The following RNF216 variants were observed in gnomAD, a reference collection of about 807,000 sequenced individuals.
RNF216 encodes the protein ring finger protein 216.
Under a neutral mutation model 110.8 loss-of-function variants are expected in RNF216, and 72 were observed. The observed-to-expected ratio is 0.65, with a 90% confidence interval of 0.54 to 0.79. The LOEUF is 0.79. Ranked by LOEUF, RNF216 falls within the 30% of genes least tolerant of loss-of-function variation. RNF216 has a pLI of 0.00. For missense variants in RNF216, 1,342 were observed against 1,141.2 expected, an observed-to-expected ratio of 1.18 and a Z score of -2.54; for synonymous variants, 495 against 407.5, an observed-to-expected ratio of 1.21 and a Z score of -2.59.
intron 8 of RNF216, among the ~76,000 whole-genome samples, 177 bp from the exon 9 acceptor site, chr7:5,721,349 A>C (rs771799564): frequency 6.6e-6 from 1 of 152,038 alleles, no homozygotes; most frequent in Non-Finnish European, 1.5e-5. Context: ...TAGCCAACCT[A>C]CCATCCATTT....
At position 5,705,589 on chromosome 7, in the gene RNF216, A is replaced by G. The variant is rs147242642; in HGVS notation, c.2061+6172T>C. Among the ~76,000 whole-genome samples, 76 of 152,208 alleles carry G rather than the reference A, an allele frequency of 5.0e-4. 2 individuals are homozygous for G. The East Asian group carries it at 0.01, about 20-fold the overall frequency. Reference sequence around the variant, plus strand: ...GCTGCACATCCCTCTTGGCAGAGGGAAAAAATGAACCATATGCCCTTTAAA... The same window carrying G: ...GCTGCACATCCCTCTTGGCAGAGGGGAAAAATGAACCATATGCCCTTTAAA... On this transcript the variant is annotated intron_variant, in intron 13 of 16. Coordinates refer to ENST00000389902, the MANE Select transcript of RNF216 (RefSeq NM_207111.4).
chr7:5,752,122 T>G (rs545208732), intron 3 of RNF216, among the ~76,000 whole-genome samples: 1 of 151,652 alleles, frequency 6.6e-6, no homozygotes, highest in Non-Finnish European at 1.5e-5. Flanking sequence ...AAGGCGGAGG[T>G]TGCAGTGAGC....
At chr7:5,737,511 T>C (rs943001821) in intron 5 of RNF216, among the ~76,000 whole-genome samples, 10 of 111,700 alleles carry the variant, frequency 9.0e-5, no homozygotes, top group Non-Finnish European at 1.6e-4. Context: ...CAACCAAGAA[T>C]GATCAATTAA....
intron 1 of RNF216, among the ~76,000 whole-genome samples, chr7:5,780,635 G>A (rs1433510305): frequency 1.3e-5 from 2 of 152,040 alleles, no homozygotes; most frequent in Non-Finnish European, 1.5e-5. Context: ...AATCCGGGAG[G>A]CAGAGCTTGC....
At chr7:5,734,817 T>A (rs967063565) in intron 5 of RNF216, among the ~76,000 whole-genome samples, 1 of 133,102 alleles carries the variant, frequency 7.5e-6, no homozygotes, top group South Asian at 2.4e-4. Flanking sequence ...AGGGCAAAAC[T>A]CTCTCTCAAA....
intron 15 of RNF216, among the ~76,000 whole-genome samples, chr7:5,639,763 ATT>A (rs749853413): frequency 7.4e-6 from 1 of 134,774 alleles, no homozygotes; most frequent in Admixed American, 7.5e-5. Context: ...CCTAGCCTTA[ATT>A]TTTTTTTTTT....
At chr7:5,648,949 A>G (rs1788216765) in intron 14 of RNF216, among the ~76,000 whole-genome samples, 1 of 152,192 alleles carries the variant, frequency 6.6e-6, no homozygotes, top group South Asian at 2.1e-4. Flanking sequence ...GAGATATCAA[A>G]GACTTAAAAT....
intron 1 of RNF216, among the ~76,000 whole-genome samples, chr7:5,780,491 G>A (rs527472347): frequency 1.8e-4 from 27 of 152,260 alleles, no homozygotes; most frequent in African/African-American, 3.9e-4. Context: ...GAGGTCAGAC[G>A]TTAGAGACCA....
In RNF216 at chr7:5,741,064, T is replaced by C; in HGVS notation, c.953A>G (p.Gln318Arg). 1 of 1,614,176 alleles carries C rather than the reference T, an allele frequency of 6.2e-7. No individual in the cohort carries two copies. Among genetic ancestry groups the C allele is most frequent in the South Asian group, 1.1e-5 (1 of 91,088 alleles). The change falls in exon 4 of 17, where the codon CAA becomes CGA. Residue 318 changes from glutamine (Q) to arginine (R), a missense_variant. Coordinates refer to ENST00000389902, the MANE Select transcript of RNF216 (RefSeq NM_207111.4). ...TTCCAAATTGGGCTCTTGAGATTCT[T>C]GCATTGGAAAGGCTGGACCTGGCTC... ...DEEPGPAFPM[Q>R]ESQEPNLENI...
chr7:5,747,261 A>T (rs1027419586), intron 3 of RNF216, among the ~76,000 whole-genome samples: 1 of 152,246 alleles, frequency 6.6e-6, no homozygotes, highest in African/African-American at 2.4e-5. Context: ...ACTTTCAGAC[A>T]TTTTTTAAAG....
In RNF216 at chr7:5,765,368, G is replaced by A. The variant is rs868145713; in HGVS notation, c.-69-4230C>T. Among the ~76,000 whole-genome samples, 30 of 152,028 alleles carry A rather than the reference G, an allele frequency of 2.0e-4. No homozygotes were observed. In the Middle Eastern group the frequency reaches 0.01, roughly 52 times the overall value. ...AATCCCAGCTACTTGGGAGGCTGAG[G>A]TAAGAGAATTGCTTCAGCTTGGAAG... On this transcript the variant is annotated intron_variant, in intron 1 of 16. Transcript: ENST00000389902.
At chr7:5,706,216 T>C (rs375584180) in intron 13 of RNF216, among the ~76,000 whole-genome samples, 8 of 121,092 alleles carry the variant, frequency 6.6e-5, no homozygotes, top group African/African-American at 3.1e-4. Flanking sequence ...CGACACTCCA[T>C]CTCAAAAAAA....
At chr7:5,701,260 A>G (rs1207593459) in intron 13 of RNF216, among the ~76,000 whole-genome samples, 1 of 152,242 alleles carries the variant, frequency 6.6e-6, no homozygotes, top group Non-Finnish European at 1.5e-5. Context: ...TTTACATGGC[A>G]GAACACTGGG....
chr7:5,764,210 T>TTA (rs1186952000), intron 1 of RNF216, among the ~76,000 whole-genome samples: 26 of 115,698 alleles, frequency 2.2e-4, no homozygotes, highest in African/African-American at 8.0e-4. Flanking sequence ...ATAAACTAAT[T>TTA]AAAAAAAAAA....
chr7:5,780,834 C>G (rs1797043633), intron 1 of RNF216, among the ~76,000 whole-genome samples: 1 of 152,258 alleles, frequency 6.6e-6, no homozygotes, highest in Non-Finnish European at 1.5e-5. Context: ...TCAGAAATTT[C>G]TGTAACCCGC....
chr7:5,623,147 C>T lies in RNF216; in HGVS notation c.2485G>A (p.Glu829Lys), dbSNP rs781416037. Residue 829 changes from glutamate (E) to lysine (K), a missense_variant, in exon 17 of 17, where the codon GAG becomes AAG. Coordinates refer to ENST00000389902, the MANE Select transcript of RNF216 (RefSeq NM_207111.4). ...NTFKRIGPPLEKPVEKVQRVE... is the reference protein window; with the variant it reads ...NTFKRIGPPLKKPVEKVQRVE... ...CTCTGCACCTTCTCCACAGGCTTCT[C>T]CAGCGGGGGTCCAATGCGTTTGAAG... is the stretch of plus-strand genomic sequence containing the variant. The T allele has an allele frequency of 3.8e-6, 6 of 1,583,424 alleles. No homozygotes were observed. In the South Asian group the frequency reaches 5.7e-5, roughly 15 times the overall value.
At chr7:5,726,300 T>C (rs565987654) in intron 7 of RNF216, among the ~76,000 whole-genome samples, 6 of 152,222 alleles carry the variant, frequency 3.9e-5, no homozygotes, top group South Asian at 2.1e-4. Flanking sequence ...GTCCAAGCTG[T>C]CCTTGAATAA....
At chr7:5,638,633 A>ATTTTT (rs34089106) in intron 15 of RNF216, among the ~76,000 whole-genome samples, 1 of 139,322 alleles carries the variant, frequency 7.2e-6, no homozygotes, top group Non-Finnish European at 1.5e-5. Flanking sequence ...AAAAGCAAGC[A>ATTTTT]TTTTTTTTTT....
chr7:5,665,424 G>C (rs1267974568), intron 13 of RNF216, among the ~76,000 whole-genome samples: 1 of 151,988 alleles, frequency 6.6e-6, no homozygotes, highest in Non-Finnish European at 1.5e-5. Context: ...CCATTTCTAT[G>C]TACAGAACCA....
Sources: allele counts gnomAD v4.1 joint callset (sites outside exome capture counted in the v4.1 genomes callset), GRCh38; gene constraint gnomAD v4.1.1; transcripts MANE v1.5; gene names NCBI Gene and HGNC (gene_info 2026-07-23, HGNC 2026-07-21).